The following PLA2G4A variants were observed in gnomAD, a reference collection of about 807,000 sequenced individuals.
PLA2G4A encodes the protein cytosolic phospholipase A2.
Under a neutral mutation model 81.9 loss-of-function variants are expected in PLA2G4A, and 40 were observed. The observed-to-expected ratio is 0.49, with a 90% confidence interval of 0.38 to 0.64. The LOEUF (loss-of-function observed/expected upper bound fraction) is 0.64. Among genes scored for constraint, PLA2G4A ranks in the 30% least tolerant of loss-of-function variants. PLA2G4A has a pLI of 0.00. For synonymous variants in PLA2G4A, 302 were observed against 296.9 expected (o/e 1.02, Z -0.18); for missense variants, 715 against 905.1 (o/e 0.79, Z 2.69).
intron 13 of PLA2G4A, among the ~76,000 whole-genome samples, chr1:186,953,752 A>G (rs528964386): frequency 6.6e-6 from 1 of 152,214 alleles, no homozygotes; most frequent in South Asian, 2.1e-4. Context: ...TATCATTTAT[A>G]TGTTGACTGT....
At chr1:186,833,495 C>A (rs1651672079) in intron 1 of PLA2G4A, among the ~76,000 whole-genome samples, 1 of 152,100 alleles carries the variant, frequency 6.6e-6, no homozygotes, top group Non-Finnish European at 1.5e-5. Flanking sequence ...TTGTCTTCTA[C>A]CCCTTGACTA....
chr1:186,847,131 T>A (rs994243657), intron 1 of PLA2G4A, among the ~76,000 whole-genome samples: 1 of 91,148 alleles, frequency 1.1e-5, no homozygotes, highest in Non-Finnish European at 2.4e-5. Flanking sequence ...TTGAACAATA[T>A]AATATTTATA....
At chr1:186,860,525 GA>G (rs1652760081) in intron 2 of PLA2G4A, among the ~76,000 whole-genome samples, 1 of 152,154 alleles carries the variant, frequency 6.6e-6, no homozygotes, top group Non-Finnish European at 1.5e-5. Context: ...CTGCATCCAG[GA>G]GGGCAATCTA....
At chr1:186,910,306 A>G (rs1654895639) in intron 6 of PLA2G4A, among the ~76,000 whole-genome samples, 1 of 152,156 alleles carries the variant, frequency 6.6e-6, no homozygotes, top group Non-Finnish European at 1.5e-5. Flanking sequence ...TGGTAAAGAG[A>G]CAAATATTTT....
At chr1:186,844,751 C>G (rs1038843619) in intron 1 of PLA2G4A, among the ~76,000 whole-genome samples, 28 of 152,048 alleles carry the variant, frequency 1.8e-4, no homozygotes, top group African/African-American at 6.5e-4. Context: ...CAAATCTGCA[C>G]GTTGTGCACA....
At chr1:186,902,926 C>T (rs1654600714) in intron 5 of PLA2G4A, among the ~76,000 whole-genome samples, 1 of 150,918 alleles carries the variant, frequency 6.6e-6, no homozygotes, top group African/African-American at 2.4e-5. Flanking sequence ...AATGATTTTA[C>T]CAGTGTCTTA....
intron 13 of PLA2G4A, among the ~76,000 whole-genome samples, chr1:186,955,465 C>T (rs948609160): frequency 4.6e-5 from 7 of 151,826 alleles, no homozygotes; most frequent in Admixed American, 6.6e-5. Flanking sequence ...CATGCAAGTG[C>T]GTGCACTTGA....
At chr1:186,865,027 A>T (rs1352577250) in intron 2 of PLA2G4A, among the ~76,000 whole-genome samples, 1 of 150,902 alleles carries the variant, frequency 6.6e-6, no homozygotes, top group Non-Finnish European at 1.5e-5. Context: ...CATCTGATCC[A>T]CTGAACTCTA....
intron 5 of PLA2G4A, among the ~76,000 whole-genome samples, chr1:186,899,883 C>T (rs1032500633): frequency 1.3e-5 from 2 of 152,086 alleles, no homozygotes; most frequent in Non-Finnish European, 2.9e-5. Context: ...CTTGGCACAG[C>T]TTTAATGTGT....
intron 15 of PLA2G4A, among the ~76,000 whole-genome samples, chr1:186,966,768 A>C (rs1252552682): frequency 6.6e-6 from 1 of 152,222 alleles, no homozygotes; most frequent in East Asian, 1.9e-4. Flanking sequence ...ATATGGTTAA[A>C]GTGCATAGGA....
intron 1 of PLA2G4A, among the ~76,000 whole-genome samples, chr1:186,833,745 C>CA (rs780147036): frequency 6.6e-6 from 1 of 152,068 alleles, no homozygotes; most frequent in African/African-American, 2.4e-5. Context: ...TTTCCTTATA[C>CA]AAAAAATGAA....
intron 7 of PLA2G4A, among the ~76,000 whole-genome samples, chr1:186,921,465 G>A (rs1026515140): frequency 1.3e-5 from 2 of 152,190 alleles, no homozygotes; most frequent in African/African-American, 4.8e-5. Flanking sequence ...GATACACAAA[G>A]GCACGCCTTT....
intron 3 of PLA2G4A, among the ~76,000 whole-genome samples, chr1:186,880,737 G>A (rs1209779304): frequency 1.3e-5 from 2 of 151,918 alleles, no homozygotes; most frequent in African/African-American, 4.8e-5. Context: ...CGGTATATAA[G>A]AATTTCTGGA....
chr1:186,968,331 A>C (rs184117801), intron 15 of PLA2G4A, among the ~76,000 whole-genome samples: 1 of 151,258 alleles, frequency 6.6e-6, no homozygotes, highest in East Asian at 1.9e-4. Flanking sequence ...TTGGTTTATA[A>C]ATGCAGTACT....
chr1:186,929,257 G>T (rs1038848936), intron 7 of PLA2G4A, among the ~76,000 whole-genome samples: 2 of 152,154 alleles, frequency 1.3e-5, no homozygotes, highest in African/African-American at 4.8e-5. Flanking sequence ...TATGGACAAG[G>T]TATTATCTGC....
chr1:186,868,358 G>A (rs551375919), intron 2 of PLA2G4A, among the ~76,000 whole-genome samples: 10 of 152,138 alleles, frequency 6.6e-5, no homozygotes, highest in Admixed American at 2.6e-4. Context: ...GATTACAGGC[G>A]TGAGCCATTG....
chr1:186,924,705 T>G (rs1385151062), intron 7 of PLA2G4A, among the ~76,000 whole-genome samples: 2 of 152,058 alleles, frequency 1.3e-5, no homozygotes, highest in Non-Finnish European at 2.9e-5. Context: ...CCCAAAGTGC[T>G]GGGATTATGG....
chr1:186,857,319 A>C (rs1200324316), intron 2 of PLA2G4A, among the ~76,000 whole-genome samples: 1 of 116,520 alleles, frequency 8.6e-6, no homozygotes, highest in Non-Finnish European at 1.7e-5. Context: ...ATTATATGTA[A>C]TATAATATAA....
intron 3 of PLA2G4A, among the ~76,000 whole-genome samples, chr1:186,882,755 C>G (rs16826042): frequency 0.26 from 39,489 of 151,866 alleles, 7,400 homozygotes; most frequent in East Asian, 0.55. Context: ...AGAGATTATG[C>G]TAATAGTCTA....
Sources: gnomAD v4.1 joint callset for allele counts (sites outside exome capture counted in the v4.1 genomes callset) on GRCh38, gnomAD v4.1.1 for gene constraint, MANE v1.5 for transcripts, NCBI Gene and HGNC (gene_info 2026-07-23, HGNC 2026-07-21) for gene names.